NUP54: variants seen among roughly 807,000 people sequenced by gnomAD.
NUP54 encodes nucleoporin p54.
A neutral mutation model predicts 66.4 loss-of-function variants in NUP54; 27 were observed. The ratio of observed to expected loss-of-function variants is 0.41; its 90% CI spans 0.30 to 0.56. The LOEUF (loss-of-function observed/expected upper bound fraction) is 0.56, where lower values mean the gene tolerates loss of function less well. NUP54 is among the 20% of genes least tolerant of loss of function. The pLI is 0.34. For synonymous variants in NUP54, 206 were observed against 210.7 expected, an observed-to-expected ratio of 0.98 and a Z score of 0.19; for missense variants, 486 against 596.3, an observed-to-expected ratio of 0.82 and a Z score of 1.93.
rs756204518 is a variant in NUP54 at position 76,136,330 on chromosome 4, A to G, written c.378T>C (p.Ala126=). 16 of 1,614,104 alleles carry G rather than the reference A, an allele frequency of 9.9e-6. No homozygotes were observed. In the East Asian group the frequency reaches 3.6e-4, roughly 36 times the overall value. The change falls in exon 4 of 12, where the codon GCT becomes GCC. Residue 126 remains alanine, a synonymous_variant. Coordinates refer to ENST00000264883, the MANE Select transcript of NUP54 (RefSeq NM_017426.4). ...QLINTASALS[A]PTLLGDERDA... is the part of the protein sequence containing the mutation. ...CTCTCTCATCTCCCAACAGCGTTGG[A>G]GCAGAAAGAGCACTCGCAGTATTTA... is the stretch of plus-strand genomic sequence containing the variant.
At chr4:76,145,657 G>T in intron 1 of NUP54, 3 of 892,366 alleles carry the variant, frequency 3.4e-6, no homozygotes, top group Non-Finnish European at 4.6e-6. Context: ...CTTATTGTCA[G>T]TCTTCAGCTG....
intron 9 of NUP54, 102 bp from the exon 10 acceptor site, chr4:76,118,296 A>G: frequency 1.9e-6 from 2 of 1,076,254 alleles, no homozygotes; most frequent in South Asian, 2.8e-5. Context: ...CTGAAAATCA[A>G]ACAACAGTAG....
intron 3 of NUP54, among the ~76,000 whole-genome samples, chr4:76,139,972 T>C (rs145392301): frequency 6.5e-4 from 99 of 152,336 alleles, no homozygotes; most frequent in African/African-American, 2.3e-3. Flanking sequence ...AGAAACCAGA[T>C]TGGCGAATAG....
chr4:76,145,469 A>T (rs898460326), intron 1 of NUP54: 2 of 706,902 alleles, frequency 2.8e-6, no homozygotes, highest in African/African-American at 3.9e-5. Flanking sequence ...TTGGTGAATT[A>T]ATTTATGTCT....
intron 11 of NUP54, 32 bp downstream of exon 11, chr4:76,117,632 C>T: frequency 7.3e-7 from 1 of 1,374,002 alleles, no homozygotes; most frequent in Middle Eastern, 1.8e-4. Flanking sequence ...TGAGCTCACA[C>T]TTTAAATAAT....
chr4:76,124,707 A>ATTGTG lies in NUP54; in HGVS notation c.1105_1106insCACAA (p.Val369AlafsTer3), dbSNP rs1730388523. On this transcript the variant is annotated frameshift_variant, in exon 9 of 12. Transcript: ENST00000264883. LOFTEE classifies it high-confidence loss of function. ...CCTCTTGTATTGTGCAATTTTGGCT[A>ATTGTG]CAGATGTAGTTTGATTCTTTTGTAG... The ATTGTG allele has an allele frequency of 4.4e-6, 7 of 1,585,936 alleles. No homozygotes were observed. In the Admixed American group the frequency reaches 1.2e-4, roughly 27 times the overall value.
intron 3 of NUP54, among the ~76,000 whole-genome samples, chr4:76,137,486 G>A (rs1731085787): frequency 6.6e-6 from 1 of 151,952 alleles, no homozygotes; most frequent in Admixed American, 6.6e-5. Context: ...ACAAATTGGG[G>A]GATACAAAGT....
intron 8 of NUP54, 119 bp from the exon 9 acceptor site, chr4:76,124,875 A>C: frequency 1.9e-6 from 1 of 520,040 alleles, no homozygotes; most frequent in South Asian, 2.9e-5. Context: ...TCAAAATATA[A>C]ACTCTTTCCC....
chr4:76,121,435 ATAAACT>A (rs946851322), intron 9 of NUP54, among the ~76,000 whole-genome samples: 1 of 152,150 alleles, frequency 6.6e-6, no homozygotes, highest in Non-Finnish European at 1.5e-5. Context: ...ATCCTTCTTT[ATAAACT>A]TAAAGAAATT....
intron 4 of NUP54, among the ~76,000 whole-genome samples, 170 bp downstream of exon 4, chr4:76,136,016 T>C (rs768462480): frequency 6.6e-6 from 1 of 152,192 alleles, no homozygotes; most frequent in Non-Finnish European, 1.5e-5. Context: ...CAACCACACA[T>C]ATGTATGAAA....
chr4:76,146,582 G>C (rs1731508566), intron 1 of NUP54, among the ~76,000 whole-genome samples: 1 of 152,076 alleles, frequency 6.6e-6, no homozygotes, highest in Non-Finnish European at 1.5e-5. Flanking sequence ...CTTTTAGGGA[G>C]TAAATAATGT....
chr4:76,131,143 G>T, intron 7 of NUP54, 87 bp downstream of exon 7: 1 of 834,144 alleles, frequency 1.2e-6, no homozygotes, highest in Non-Finnish European at 2.0e-6. Context: ...TGTCTCATAT[G>T]TAAGAATTAT....
intron 1 of NUP54, chr4:76,145,416 C>A: frequency 4.3e-6 from 1 of 232,042 alleles, no homozygotes; most frequent in East Asian, 1.7e-4. Flanking sequence ...GCATGCCAAA[C>A]ATATCACATT....
At chr4:76,127,855 T>C (rs1337586946) in intron 8 of NUP54, among the ~76,000 whole-genome samples, 1 of 152,110 alleles carries the variant, frequency 6.6e-6, no homozygotes, top group East Asian at 1.9e-4. Flanking sequence ...ATGATTTCAG[T>C]TCTGGACAAG....
intron 3 of NUP54, among the ~76,000 whole-genome samples, chr4:76,137,915 G>A (rs1423803973): frequency 1.3e-5 from 2 of 151,952 alleles, no homozygotes; most frequent in African/African-American, 2.4e-5. Context: ...ACTGTATTTC[G>A]TGTTTCAAAG....
At chr4:76,120,707 G>A (rs558391245) in intron 9 of NUP54, among the ~76,000 whole-genome samples, 27 of 152,286 alleles carry the variant, frequency 1.8e-4, no homozygotes, top group African/African-American at 5.5e-4. Context: ...GATTACAGGC[G>A]TGAGCCACTG....
At chr4:76,118,820 T>C (rs60289602) in intron 9 of NUP54, among the ~76,000 whole-genome samples, 20,011 of 151,756 alleles carry the variant, frequency 0.13, 1,548 homozygotes, top group East Asian at 0.35. Context: ...CTGGCTAACA[T>C]GATGAAACCC....
intron 7 of NUP54, 200 bp from the exon 8 acceptor site, chr4:76,130,949 A>G: frequency 1.6e-6 from 1 of 606,492 alleles, no homozygotes; most frequent in Non-Finnish European, 2.9e-6. Flanking sequence ...AATACAGTTC[A>G]GTCAAAACAT....
chr4:76,119,493 A>G (rs1033208328), intron 9 of NUP54, among the ~76,000 whole-genome samples: 7 of 151,526 alleles, frequency 4.6e-5, no homozygotes, highest in Non-Finnish European at 8.8e-5. Flanking sequence ...CAGCCTCCCA[A>G]GTAGCTGGAA....
Sources: gnomAD v4.1 joint callset for allele counts (sites outside exome capture counted in the v4.1 genomes callset) on GRCh38, gnomAD v4.1.1 for gene constraint, MANE v1.5 for transcripts, NCBI Gene and HGNC (gene_info 2026-07-23, HGNC 2026-07-21) for gene names.